The following DLGAP2 variants were observed in gnomAD, a reference collection of about 807,000 sequenced individuals.
DLGAP2 encodes DLG associated protein 2.
DLGAP2 carries 26 observed loss-of-function variants against 100.3 expected under a neutral mutation model. The observed-to-expected ratio is 0.26, with a 90% CI of 0.19 to 0.36. DLGAP2 has a LOEUF of 0.36. Ranked by LOEUF, DLGAP2 falls within the 10% of genes least tolerant of loss-of-function variation. The probability of loss-of-function intolerance (pLI) is 1.00; values close to 1 mark genes in which losing one functional copy is unlikely to be tolerated. For missense variants in DLGAP2, 1,858 were observed against 1,453.2 expected (o/e 1.28, Z -4.53); for synonymous variants, 886 against 630.1 (o/e 1.41, Z -6.08).
At chr8:1,030,724 C>G (rs370903976) in intron 2 of DLGAP2, among the ~76,000 whole-genome samples, 2 of 152,346 alleles carry the variant, frequency 1.3e-5, no homozygotes, top group Admixed American at 6.5e-5. Context: ...CAGCTGTACT[C>G]TTGATATCCT....
At chr8:1,112,198 T>A (rs1804978326) in intron 2 of DLGAP2, among the ~76,000 whole-genome samples, 1 of 152,058 alleles carries the variant, frequency 6.6e-6, no homozygotes, top group Admixed American at 6.6e-5. Context: ...TGGCCACATG[T>A]ATGTCTTCTT....
rs182235525 is a variant in DLGAP2, at chr8:1,420,072, C to G, written c.107-81294C>G. On this transcript the variant is annotated intron_variant, in intron 3 of 14. Transcript: ENST00000637795. ...CAGTGAATTAAGTCACTGGCCATCC[C>G]TGATCCAGCTAACCTTCAGTCCCTT... Among the ~76,000 whole-genome samples the G allele has an allele frequency of 3.0e-4, 46 of 152,312 alleles. No individual in the cohort carries two copies. In the East Asian group the frequency reaches 5.2e-3, roughly 17 times the overall value.
chr8:839,595 C>G (rs1796943802), intron 1 of DLGAP2, among the ~76,000 whole-genome samples: 1 of 152,112 alleles, frequency 6.6e-6, no homozygotes, highest in Non-Finnish European at 1.5e-5. Flanking sequence ...AGAGTCTGGC[C>G]AAAGGGTACA....
chr8:1,429,923 C>T (rs773926645), intron 3 of DLGAP2, among the ~76,000 whole-genome samples: 5 of 145,688 alleles, frequency 3.4e-5, no homozygotes, highest in East Asian at 2.1e-4. Flanking sequence ...TCATCATACA[C>T]GGCCTTCTGC....
At chr8:1,483,355 G>C (rs1413544733) in intron 3 of DLGAP2, among the ~76,000 whole-genome samples, 1 of 152,212 alleles carries the variant, frequency 6.6e-6, no homozygotes, top group Non-Finnish European at 1.5e-5. Context: ...TGAGGCCGCG[G>C]TGTGTTTCCA....
At chr8:1,089,849 C>T (rs1287535963) in intron 2 of DLGAP2, among the ~76,000 whole-genome samples, 1 of 152,210 alleles carries the variant, frequency 6.6e-6, no homozygotes, top group Non-Finnish European at 1.5e-5. Flanking sequence ...GTTTGGGAGA[C>T]ACTCGGGGGT....
intron 2 of DLGAP2, among the ~76,000 whole-genome samples, chr8:1,004,473 T>C (rs1801048881): frequency 1.3e-5 from 2 of 152,216 alleles, no homozygotes; most frequent in South Asian, 4.1e-4. Context: ...TGACTTGGAG[T>C]ATTATATTCA....
chr8:1,257,390 G>A (rs1424820961), intron 2 of DLGAP2, among the ~76,000 whole-genome samples: 3 of 151,728 alleles, frequency 2.0e-5, no homozygotes, highest in African/African-American at 4.8e-5. Flanking sequence ...TTAATGTTCC[G>A]CTCCCTCCTG....
intron 6 of DLGAP2, among the ~76,000 whole-genome samples, chr8:1,589,288 A>C (rs1340535689): frequency 1.3e-5 from 2 of 152,270 alleles, no homozygotes; most frequent in Admixed American, 1.3e-4. Flanking sequence ...ATTTAAAAAC[A>C]AATTATCCTT....
At chr8:1,413,037 C>G (rs1232711405) in intron 3 of DLGAP2, among the ~76,000 whole-genome samples, 1 of 152,178 alleles carries the variant, frequency 6.6e-6, no homozygotes, top group Non-Finnish European at 1.5e-5. Flanking sequence ...AGTGTCCCCT[C>G]CTCTGTGAAG....
intron 2 of DLGAP2, among the ~76,000 whole-genome samples, chr8:932,887 C>T (rs1798990728): frequency 6.6e-6 from 1 of 152,216 alleles, no homozygotes; most frequent in Non-Finnish European, 1.5e-5. Flanking sequence ...GTCAGCATTT[C>T]ACATTCCTGA....
intron 2 of DLGAP2, among the ~76,000 whole-genome samples, chr8:1,036,489 C>A (rs80342880): frequency 6.6e-6 from 1 of 152,090 alleles, no homozygotes; most frequent in South Asian, 2.1e-4. Flanking sequence ...GCCGTGGGGA[C>A]GGTCGGGGGA....
chr8:1,077,883 G>C (rs556870879), intron 2 of DLGAP2, among the ~76,000 whole-genome samples: 37 of 152,242 alleles, frequency 2.4e-4, no homozygotes, highest in African/African-American at 8.7e-4. Flanking sequence ...GCACACGCCC[G>C]TGTGCGTGCA....
At chr8:1,456,066 A>T (rs1370141877) in intron 3 of DLGAP2, among the ~76,000 whole-genome samples, 1 of 151,274 alleles carries the variant, frequency 6.6e-6, no homozygotes, top group East Asian at 1.9e-4. Context: ...TTGTTGGCCA[A>T]CTCCTGGGTC....
chr8:897,754 C>T (rs1183888017), intron 1 of DLGAP2, among the ~76,000 whole-genome samples: 5 of 152,172 alleles, frequency 3.3e-5, no homozygotes, highest in East Asian at 1.9e-4. Flanking sequence ...AAGCGAGCAC[C>T]GCAGATGCTC....
At chr8:828,258 G>A (rs906386797) in intron 1 of DLGAP2, among the ~76,000 whole-genome samples, 1 of 152,120 alleles carries the variant, frequency 6.6e-6, no homozygotes, top group Admixed American at 6.5e-5. Context: ...ATAAGCCTGG[G>A]AGCGCTATGG....
intron 6 of DLGAP2, among the ~76,000 whole-genome samples, chr8:1,591,208 C>G (rs1444216547): frequency 1.3e-5 from 2 of 152,150 alleles, no homozygotes. Flanking sequence ...TTCTGTTCTT[C>G]CCTTCCCTCT....
intron 4 of DLGAP2, among the ~76,000 whole-genome samples, chr8:1,507,334 G>A (rs560020409): frequency 2.0e-4 from 31 of 152,278 alleles, no homozygotes; most frequent in African/African-American, 5.5e-4. Flanking sequence ...GAGATTTGGC[G>A]TGCAGCGCCG....
chr8:1,605,183 G>C (rs1470557553), intron 6 of DLGAP2, among the ~76,000 whole-genome samples: 2 of 152,110 alleles, frequency 1.3e-5, no homozygotes, highest in Non-Finnish European at 2.9e-5. Flanking sequence ...GACTTACCCA[G>C]GTTCATACGG....
Sources: allele counts gnomAD v4.1 joint callset (sites outside exome capture counted in the v4.1 genomes callset), GRCh38; gene constraint gnomAD v4.1.1; transcripts MANE v1.5; gene names NCBI Gene and HGNC (gene_info 2026-07-23, HGNC 2026-07-21).